METAP1D: variants seen among roughly 807,000 people sequenced by gnomAD.
METAP1D encodes methionine aminopeptidase 1D, mitochondrial.
A neutral mutation model predicts 40.5 loss-of-function variants in METAP1D; 31 were observed. The ratio of observed to expected loss-of-function variants is 0.77; its 90% CI spans 0.58 to 1.03. METAP1D has a LOEUF of 1.03. METAP1D is among the 50% of genes least tolerant of loss of function. METAP1D has a pLI of 0.00. For synonymous variants in METAP1D, 151 were observed against 146.4 expected, an observed-to-expected ratio of 1.03 and a Z score of -0.22; for missense variants, 411 against 420.7, an observed-to-expected ratio of 0.98 and a Z score of 0.20.
chr2:172,010,243 C>A (rs560712797), intron 1 of METAP1D, among the ~76,000 whole-genome samples: 27 of 150,872 alleles, frequency 1.8e-4, no homozygotes, highest in Middle Eastern at 3.2e-3. Flanking sequence ...CAGGCCCAAG[C>A]GATCCTTCCA....
chr2:172,024,978 G>C (rs1399157916), intron 1 of METAP1D, among the ~76,000 whole-genome samples: 1 of 152,100 alleles, frequency 6.6e-6, no homozygotes, highest in African/African-American at 2.4e-5. Flanking sequence ...GTGAACTCTG[G>C]CCAGTTAATT....
At chr2:172,023,322 C>CT (rs1689048123) in intron 1 of METAP1D, among the ~76,000 whole-genome samples, 2 of 152,162 alleles carry the variant, frequency 1.3e-5, no homozygotes, top group Admixed American at 1.3e-4. Context: ...AGTGACTGAA[C>CT]TTTCGTTTTC....
Position 172,063,798 on chromosome 2 carries a change from G to A in METAP1D, c.286G>A (p.Gly96Arg). The change falls in exon 3 of 10, where the codon GGG becomes AGG. Residue 96 changes from glycine to arginine, a missense_variant. By Grantham distance (125) the Gly-to-Arg change is moderately radical. Coordinates refer to ENST00000315796, the MANE Select transcript of METAP1D (RefSeq NM_199227.3). ...AGTTAAGAATGAAGATCAGATTCAA[G>A]GGCTTCATCAGGCTTGTCAGCTGGC... The part of the protein sequence containing the change: ...IEVKNEDQIQ[G>R]LHQACQLARH... 1 of 1,614,136 alleles carries A rather than the reference G, an allele frequency of 6.2e-7. No homozygotes were observed. The highest frequency in any genetic ancestry group is 8.5e-7 in the Non-Finnish European group (1 of 1,180,000).
intron 1 of METAP1D, among the ~76,000 whole-genome samples, chr2:172,019,522 C>T (rs535733262): frequency 1.3e-5 from 2 of 151,696 alleles, no homozygotes; most frequent in South Asian, 2.1e-4. Flanking sequence ...TCAAAACCAG[C>T]CTGGGCAACA....
chr2:172,005,125 A>G (rs1013616729), intron 1 of METAP1D, among the ~76,000 whole-genome samples: 9 of 152,014 alleles, frequency 5.9e-5, no homozygotes, highest in African/African-American at 2.2e-4. Context: ...CATGCTGCCC[A>G]GGCTGTGAAA....
intron 1 of METAP1D, among the ~76,000 whole-genome samples, chr2:172,010,205 A>G (rs2105377231): frequency 6.6e-6 from 1 of 150,424 alleles, no homozygotes; most frequent in Admixed American, 6.6e-5. Context: ...CAGTGGCGCA[A>G]TCTCAACTCA....
At chr2:172,017,878 C>G (rs1312682658) in intron 1 of METAP1D, among the ~76,000 whole-genome samples, 1 of 151,956 alleles carries the variant, frequency 6.6e-6, no homozygotes, top group Non-Finnish European at 1.5e-5. Context: ...CCTGTAATCC[C>G]AACACTTTGG....
chr2:172,015,284 C>T (rs10164821), intron 1 of METAP1D, among the ~76,000 whole-genome samples: 29 of 152,246 alleles, frequency 1.9e-4, no homozygotes, highest in African/African-American at 6.3e-4. Context: ...TGGTGGCGCC[C>T]ACCTGTAATC....
At chr2:172,023,847 C>A (rs2105400784) in intron 1 of METAP1D, among the ~76,000 whole-genome samples, 1 of 137,768 alleles carries the variant, frequency 7.3e-6, no homozygotes, top group African/African-American at 2.7e-5. Context: ...TGAGTGTTCA[C>A]TGTAAAATTC....
intron 1 of METAP1D, among the ~76,000 whole-genome samples, chr2:172,006,499 A>G (rs1688589488): frequency 6.6e-6 from 1 of 152,134 alleles, no homozygotes; most frequent in Admixed American, 6.6e-5. Context: ...TATAGTTTCT[A>G]TGAAATACCC....
At chr2:172,004,250 A>G (rs941974548) in intron 1 of METAP1D, among the ~76,000 whole-genome samples, 3 of 152,076 alleles carry the variant, frequency 2.0e-5, no homozygotes, top group Admixed American at 6.6e-5. Context: ...ACTTTTGCCA[A>G]CTGCCCTGAG....
chr2:172,072,063 A>T (rs1690432767), intron 6 of METAP1D, among the ~76,000 whole-genome samples: 2 of 152,178 alleles, frequency 1.3e-5, no homozygotes, highest in Non-Finnish European at 2.9e-5. Context: ...CTTTGAACAA[A>T]ATTGTGTTTT....
chr2:172,016,744 T>C (rs1049852602), intron 1 of METAP1D, among the ~76,000 whole-genome samples: 1 of 152,150 alleles, frequency 6.6e-6, no homozygotes, highest in African/African-American at 2.4e-5. Flanking sequence ...TCACTGTAAG[T>C]TCCTGACCTC....
chr2:172,024,670 C>T (rs1689083415), intron 1 of METAP1D, among the ~76,000 whole-genome samples: 1 of 151,934 alleles, frequency 6.6e-6, no homozygotes, highest in Non-Finnish European at 1.5e-5. Flanking sequence ...AGGATTTGGC[C>T]ATGAACACCT....
intron 1 of METAP1D, among the ~76,000 whole-genome samples, chr2:172,041,764 A>G (rs1213547676): frequency 1.3e-5 from 1 of 79,268 alleles, no homozygotes; most frequent in Non-Finnish European, 3.0e-5. Context: ...ATATATATAT[A>G]TATTTCATCC....
At chr2:172,075,778 G>T (rs1438819375) in intron 6 of METAP1D, among the ~76,000 whole-genome samples, 1 of 152,148 alleles carries the variant, frequency 6.6e-6, no homozygotes, top group Non-Finnish European at 1.5e-5. Context: ...AAGCAAACAG[G>T]AGTGTATACT....
intron 5 of METAP1D, among the ~76,000 whole-genome samples, chr2:172,070,508 G>A (rs1690397042): frequency 6.6e-6 from 1 of 152,162 alleles, no homozygotes; most frequent in South Asian, 2.1e-4. Flanking sequence ...TGACATTGAA[G>A]AAACTTTTCA....
intron 1 of METAP1D, among the ~76,000 whole-genome samples, chr2:172,027,473 G>A (rs145270696): frequency 2.6e-5 from 4 of 152,350 alleles, no homozygotes; most frequent in Non-Finnish European, 5.9e-5. Context: ...GCATAGGGAT[G>A]TAGTAGGTTA....
chr2:172,034,990 T>TTTC (rs1457235802), intron 1 of METAP1D, among the ~76,000 whole-genome samples: 1 of 151,898 alleles, frequency 6.6e-6, no homozygotes, highest in African/African-American at 2.4e-5. Context: ...TTTTTTCTTT[T>TTTC]TTTTTTTTTT....
Sources: gnomAD v4.1 joint callset for allele counts (sites outside exome capture counted in the v4.1 genomes callset) on GRCh38, gnomAD v4.1.1 for gene constraint, MANE v1.5 for transcripts, NCBI Gene and HGNC (gene_info 2026-07-23, HGNC 2026-07-21) for gene names.